The following THSD4 variants were observed in gnomAD, a reference collection of about 807,000 sequenced individuals.
THSD4 encodes the protein thrombospondin type 1 domain containing 4, also known as thrombospondin type-1 domain-containing protein 4.
A neutral mutation model predicts 119.0 loss-of-function variants in THSD4; 69 were observed. The observed-to-expected ratio is 0.58, with a 90% CI of 0.48 to 0.71. THSD4 has a LOEUF of 0.71. Among genes scored for constraint, THSD4 ranks in the 30% least tolerant of loss-of-function variants. The probability of loss-of-function intolerance (pLI) is 0.00; values close to 1 mark genes in which losing one functional copy is unlikely to be tolerated. For missense variants in THSD4, 1,393 were observed against 1,391.1 expected (o/e 1.00, Z -0.02); for synonymous variants, 524 against 540.4 (o/e 0.97, Z 0.42).
At chr15:71,325,325 C>A (rs2045324457) in intron 6 of THSD4, among the ~76,000 whole-genome samples, 1 of 152,198 alleles carries the variant, frequency 6.6e-6, no homozygotes, top group Non-Finnish European at 1.5e-5. Flanking sequence ...CATTGCAAGA[C>A]CATCAGCTTT....
chr15:71,461,230 G>C (rs2047424740), intron 7 of THSD4, among the ~76,000 whole-genome samples: 2 of 152,302 alleles, frequency 1.3e-5, no homozygotes, highest in East Asian at 3.9e-4. Context: ...CTGACTGTTG[G>C]TAGGAGGCCT....
chr15:71,333,043 T>C (rs1447303925), intron 6 of THSD4, among the ~76,000 whole-genome samples: 5 of 151,918 alleles, frequency 3.3e-5, no homozygotes, highest in Non-Finnish European at 7.4e-5. Flanking sequence ...TAGACTCCAT[T>C]TGGGTATTCC....
chr15:71,139,300 G>A (rs1428759127), intron 1 of THSD4, among the ~76,000 whole-genome samples: 1 of 152,158 alleles, frequency 6.6e-6, no homozygotes, highest in Non-Finnish European at 1.5e-5. Context: ...CCACAGCACT[G>A]GAGAGGACCT....
chr15:71,238,106 G>C (rs958548786), intron 4 of THSD4, among the ~76,000 whole-genome samples: 1 of 151,940 alleles, frequency 6.6e-6, no homozygotes, highest in Admixed American at 6.6e-5. Flanking sequence ...GTCAGGGCTG[G>C]AAATGTGAAC....
chr15:71,568,315 C>T (rs140143169), intron 7 of THSD4, among the ~76,000 whole-genome samples: 2 of 152,176 alleles, frequency 1.3e-5, no homozygotes, highest in African/African-American at 4.8e-5. Context: ...GCCACAGAGA[C>T]AGATGCCCAT....
Position 71,464,530 on chromosome 15 carries a change from T to C in THSD4, c.1152+52707T>C, listed in dbSNP as rs373182036. Among the ~76,000 whole-genome samples, 7 of 152,326 alleles carry C rather than the reference T, an allele frequency of 4.6e-5. No homozygotes were observed. The East Asian group carries it at 7.7e-4, about 17-fold the overall frequency. The stretch of plus-strand genomic sequence containing the variant: ...GTTACCCACAGTCTGTGTCTTGGTT[T>C]GCAGCTCCTTTAAGCTATATGGAGC... On this transcript the variant is annotated intron_variant, in intron 7 of 17. Coordinates refer to ENST00000261862, the MANE Select transcript of THSD4 (RefSeq NM_024817.3).
intron 6 of THSD4, among the ~76,000 whole-genome samples, chr15:71,384,400 A>G (rs1596387271): frequency 6.6e-6 from 1 of 152,088 alleles, no homozygotes; most frequent in East Asian, 1.9e-4. Flanking sequence ...AAACAAAAAC[A>G]TGAAACTATT....
intron 3 of THSD4, among the ~76,000 whole-genome samples, chr15:71,202,375 A>G (rs927855465): frequency 6.6e-5 from 10 of 152,046 alleles, no homozygotes; most frequent in Non-Finnish European, 1.5e-4. Context: ...CAACTCTAGC[A>G]CTTTTGGGTA....
At chr15:71,257,577 G>T (rs918814703) in intron 6 of THSD4, among the ~76,000 whole-genome samples, 1 of 152,162 alleles carries the variant, frequency 6.6e-6, no homozygotes, top group Non-Finnish European at 1.5e-5. Flanking sequence ...CAATGTGCAG[G>T]ATCTGGAGAA....
intron 8 of THSD4, 120 bp from the exon 9 acceptor site, chr15:71,728,429 C>T: frequency 8.1e-7 from 1 of 1,228,986 alleles, no homozygotes; most frequent in South Asian, 1.4e-5. Flanking sequence ...CATTGCCTGG[C>T]ACATAGTGGA....
At chr15:71,423,367 C>A (rs2046832218) in intron 7 of THSD4, among the ~76,000 whole-genome samples, 2 of 152,200 alleles carry the variant, frequency 1.3e-5, no homozygotes, top group South Asian at 4.1e-4. Flanking sequence ...CTGGTTACTG[C>A]TGCTGATTAT....
chr15:71,204,662 A>G (rs1052953376), intron 3 of THSD4, among the ~76,000 whole-genome samples: 4 of 152,060 alleles, frequency 2.6e-5, no homozygotes, highest in African/African-American at 9.7e-5. Flanking sequence ...ACCAGCCTGC[A>G]GGGTCCAGTC....
chr15:71,699,217 T>TG lies in THSD4; in HGVS notation c.1358-29332_1358-29331insG, dbSNP rs1304970964. On this transcript the variant is annotated intron_variant, in intron 8 of 17. Coordinates refer to ENST00000261862, the MANE Select transcript of THSD4 (RefSeq NM_024817.3). ...TACATTAAATAGCTACAGCTTTTTT[T>TG]TTTTTTTTTTTTTGAGACGGAGTCT... 3.3e-5 allele frequency among the ~76,000 whole-genome samples: 2 copies of TG among 60,212 alleles called. 1 individual carries two copies. The highest frequency in any genetic ancestry group is 5.7e-5 in the Non-Finnish European group (2 of 34,878). The allele number at this position is 60,212 out of a possible 152,430, so 39.5% of individuals were successfully genotyped here.
intron 5 of THSD4, among the ~76,000 whole-genome samples, chr15:71,250,266 T>C (rs2044246218): frequency 6.6e-6 from 1 of 152,208 alleles, no homozygotes; most frequent in African/African-American, 2.4e-5. Context: ...AGGAAGCCAG[T>C]CTTATTAATG....
At chr15:71,629,782 A>G (rs985402836) in intron 7 of THSD4, among the ~76,000 whole-genome samples, 3 of 152,036 alleles carry the variant, frequency 2.0e-5, no homozygotes, top group Admixed American at 1.3e-4. Context: ...AATCCATCCT[A>G]TATGTAGCTG....
chr15:71,208,498 C>T (rs2043863215), intron 3 of THSD4, among the ~76,000 whole-genome samples: 1 of 131,182 alleles, frequency 7.6e-6, no homozygotes, highest in Non-Finnish European at 1.6e-5. Flanking sequence ...CTTTTTTTCT[C>T]TTTTCTTTTC....
At chr15:71,742,899 A>G (rs2053263199) in intron 11 of THSD4, among the ~76,000 whole-genome samples, 1 of 152,158 alleles carries the variant, frequency 6.6e-6, no homozygotes, top group African/African-American at 2.4e-5. Flanking sequence ...TACTAAAAAT[A>G]CAAAAATCAG....
chr15:71,198,055 G>A (rs895926223), intron 3 of THSD4, among the ~76,000 whole-genome samples: 8 of 152,122 alleles, frequency 5.3e-5, no homozygotes, highest in Non-Finnish European at 1.2e-4. Context: ...AGGAGTGTGC[G>A]ACCAGCCTGG....
chr15:71,324,093 C>A (rs1053497245), intron 6 of THSD4, among the ~76,000 whole-genome samples: 3 of 152,110 alleles, frequency 2.0e-5, no homozygotes, highest in African/African-American at 7.2e-5. Context: ...TTGAATACCA[C>A]CATGAAATGT....
Sources: allele counts gnomAD v4.1 joint callset (sites outside exome capture counted in the v4.1 genomes callset), GRCh38; gene constraint gnomAD v4.1.1; transcripts MANE v1.5; gene names NCBI Gene and HGNC (gene_info 2026-07-23, HGNC 2026-07-21).